The following CELSR3 variants were observed in gnomAD, a reference collection of about 807,000 sequenced individuals.
CELSR3 encodes the protein cadherin EGF LAG seven-pass G-type receptor 3.
CELSR3 carries 73 observed loss-of-function variants against 270.0 expected under a neutral mutation model. The observed-to-expected ratio is 0.27, with a 90% CI of 0.22 to 0.33. The LOEUF (loss-of-function observed/expected upper bound fraction) is 0.33, where lower values mean the gene tolerates loss of function less well. Ranked by LOEUF, CELSR3 falls within the 10% of genes least tolerant of loss-of-function variation. The pLI is 1.00. For synonymous variants in CELSR3, 1,780 were observed against 1,905.4 expected (o/e 0.93, Z 1.71); for missense variants, 3,614 against 4,533.8 (o/e 0.80, Z 5.83).
chr3:48,652,157 T>C lies in CELSR3; in HGVS notation c.5752-109A>G. ...TGATCCTTGACATGCAGTCTTCTGATACCCTCAAAAAACCCAGGCCTCAAA... is the reference window on the plus strand; with the variant it reads ...TGATCCTTGACATGCAGTCTTCTGACACCCTCAAAAAACCCAGGCCTCAAA... On this transcript the variant is annotated intron_variant, in intron 11 of 34. Coordinates refer to ENST00000164024, the MANE Select transcript of CELSR3 (RefSeq NM_001407.3). The surrounding 1 kb of genome is among the most constrained non-coding windows in gnomAD (Gnocchi z 4.3). 8.6e-7 allele frequency: 1 copy of C among 1,159,844 alleles called. No individual in the cohort carries two copies. The highest frequency in any genetic ancestry group is 1.6e-5 in the South Asian group (1 of 60,988). The allele number at this position is 1,159,844 out of a possible 1,614,324, so 71.8% of individuals were successfully genotyped here. A position where few individuals can be genotyped will look rare whatever the true frequency, so the allele number is the denominator to read the frequency against.
rs779341070 is a variant in CELSR3 at position 48,659,500 on chromosome 3, G to A, written c.3135C>T (p.Pro1045=). The change falls in exon 1 of 35, where the codon CCC becomes CCT. Residue 1045 remains proline, a synonymous_variant. Transcript: ENST00000164024. This position sits in a 1 kb window ranked among gnomAD's most constrained non-coding sequence, Gnocchi z 8.1. The part of the protein sequence containing the change: ...LTAYAVDRGV[P]PLRTPVSIQV... ...GGATACTGACTGGAGTCCGGAGTGGGGGCACACCTCTGTCCACTGCGTAGG... is the reference window on the plus strand; with the variant it reads ...GGATACTGACTGGAGTCCGGAGTGGAGGCACACCTCTGTCCACTGCGTAGG... The A allele has an allele frequency of 5.0e-6, 8 of 1,614,042 alleles. No individual in the cohort carries two copies. The highest frequency in any genetic ancestry group is 1.3e-5 in the African/African-American group (1 of 74,910).
rs377085295 is a variant in CELSR3, at chr3:48,640,439, C to T, written c.9146G>A (p.Arg3049His). The part of the protein sequence containing the change: ...HRAVPAASYG[R>H]IYAGGGTGSL... ...GCCCGTGCCCCCGCCAGCATAGATG[C>T]GACCGTAAGAGGCAGCTGGCACAGC... Residue 3049 changes from arginine to histidine, a missense_variant, in exon 34 of 35, where the codon CGC (arginine) becomes CAC (histidine). Coordinates refer to ENST00000164024, the MANE Select transcript of CELSR3 (RefSeq NM_001407.3). The surrounding 1 kb of genome is among the most constrained non-coding windows in gnomAD (Gnocchi z 7.5). The T allele has an allele frequency of 3.3e-5, 54 of 1,612,540 alleles. No homozygotes were observed. Among genetic ancestry groups the T allele is most frequent in the Non-Finnish European group, 4.2e-5 (49 of 1,179,966 alleles).
chr3:48,656,099 G>A, intron 3 of CELSR3, 41 bp downstream of exon 3: 1 of 1,516,728 alleles, frequency 6.6e-7, no homozygotes, highest in Non-Finnish European at 8.8e-7. Flanking sequence ...CGGGTAGGTG[G>A]GGGCGGCGGG....
Position 48,661,621 on chromosome 3 carries a change from C to T in CELSR3, c.1014G>A (p.Glu338=). The change falls in exon 1 of 35, where the codon GAG becomes GAA. Residue 338 remains glutamate, a synonymous_variant. Coordinates refer to ENST00000164024, the MANE Select transcript of CELSR3 (RefSeq NM_001407.3). The part of the protein sequence containing the change: ...YNYQTLVPEN[E]AAGTAVLRVV... ...CGCGTAGCACCGCGGTGCCTGCTGCCTCATTCTCCGGCACCAGCGTCTGGT... is the reference window on the plus strand; with the variant it reads ...CGCGTAGCACCGCGGTGCCTGCTGCTTCATTCTCCGGCACCAGCGTCTGGT... 6.2e-7 allele frequency: 1 copy of T among 1,606,240 alleles called. No individual in the cohort carries two copies. Among genetic ancestry groups the T allele is most frequent in the Non-Finnish European group, 8.5e-7 (1 of 1,176,572 alleles).
At chr3:48,647,777 A>G in intron 20 of CELSR3, 64 bp downstream of exon 20, 1 of 1,541,052 alleles carries the variant, frequency 6.5e-7, no homozygotes, top group Non-Finnish European at 8.8e-7. Flanking sequence ...GGAGGGCAAC[A>G]TAGTATCTGG....
At position 48,645,399 on chromosome 3, in the gene CELSR3, A is replaced by G. The variant is rs1412278761; in HGVS notation, c.7797+44T>C. 1.9e-6 allele frequency: 3 copies of G among 1,609,008 alleles called. No individual in the cohort carries two copies. The highest frequency in any genetic ancestry group is 2.5e-6 in the Non-Finnish European group (3 of 1,176,690). On this transcript the variant is annotated intron_variant, in intron 24 of 34. Coordinates refer to ENST00000164024, the MANE Select transcript of CELSR3 (RefSeq NM_001407.3). The surrounding 1 kb of genome is among the most constrained non-coding windows in gnomAD (Gnocchi z 5.4). ...GTTTTGGCCCCAGGCCTCCTGGGCC[A>G]GTAGGGTCATCAGGACACAAGTTCC...
In CELSR3 at chr3:48,648,387, G is replaced by A. The variant is rs1284441957; in HGVS notation, c.6852C>T (p.Ala2284=). The change falls in exon 19 of 35, where the codon GCC becomes GCT. Residue 2284 remains alanine (A), a synonymous_variant. Coordinates refer to ENST00000164024, the MANE Select transcript of CELSR3 (RefSeq NM_001407.3). Reference sequence around the variant, plus strand: ...CCGCGCTGCCTGGGGAGCCCCCAGGGGCCCGCTGCCCCAGCGCCGCCCACA... The same window carrying A: ...CCGCGCTGCCTGGGGAGCCCCCAGGAGCCCGCTGCCCCAGCGCCGCCCACA... ...GDLWAALGQR[A]PGGSPGSAGL... 4 of 1,611,014 alleles carry A rather than the reference G, an allele frequency of 2.5e-6. No homozygotes were observed. The highest frequency in any genetic ancestry group is 3.4e-6 in the Non-Finnish European group (4 of 1,179,368).
In CELSR3 at chr3:48,641,490, T is replaced by C; in HGVS notation, c.8859A>G (p.Pro2953=). The C allele has an allele frequency of 6.2e-7, 1 of 1,612,472 alleles. No homozygotes were observed. Among genetic ancestry groups the C allele is most frequent in the Non-Finnish European group, 8.5e-7 (1 of 1,179,854 alleles). The change falls in exon 33 of 35, where the codon CCA becomes CCG. Residue 2953 remains proline, a synonymous_variant. Transcript: ENST00000164024. This position sits in a 1 kb window ranked among gnomAD's most constrained non-coding sequence, Gnocchi z 4.8. ...VDGNDLLSYW[P]ALGECEAAPC... is the part of the protein sequence containing the mutation. The stretch of plus-strand genomic sequence containing the variant: ...GGGCTGCCTCGCACTCCCCCAGGGC[T>C]GGCCAGTAGGACAGGAGGTCATTGC...
In CELSR3 at chr3:48,655,701, A is replaced by G. The variant is rs2047174348; in HGVS notation, c.4741+35T>C. On this transcript the variant is annotated intron_variant, in intron 4 of 34. Coordinates refer to ENST00000164024, the MANE Select transcript of CELSR3 (RefSeq NM_001407.3). The surrounding 1 kb of genome is among the most constrained non-coding windows in gnomAD (Gnocchi z 5.8). ...TTGGGCCCTGCGTCCTCCAGCACAC[A>G]CGCACCCTTTCGCCGTCACATCCGG... 1 of 1,569,878 alleles carries G rather than the reference A, an allele frequency of 6.4e-7. No individual in the cohort carries two copies. Among genetic ancestry groups the G allele is most frequent in the Admixed American group, 1.7e-5 (1 of 59,978 alleles).
In CELSR3 at chr3:48,652,881, G is replaced by A; in HGVS notation, c.5634+121C>T. On this transcript the variant is annotated intron_variant, in intron 10 of 34. Transcript: ENST00000164024. The surrounding 1 kb of genome is among the most constrained non-coding windows in gnomAD (Gnocchi z 4.3). ...AAGGATATATGGTGGGGAACTAGGG[G>A]TAGAACATCAGACTCAGTGCAGTGG... 1.2e-6 allele frequency: 1 copy of A among 866,366 alleles called. No individual in the cohort carries two copies. Among genetic ancestry groups the A allele is most frequent in the Non-Finnish European group, 1.9e-6 (1 of 537,736 alleles). 53.7% of individuals were successfully genotyped at this position (866,366 alleles called of 1,614,324 possible). A position where few individuals can be genotyped will look rare whatever the true frequency, so the allele number is the denominator to read the frequency against.
rs1238777996 is a variant in CELSR3 at position 48,644,185 on chromosome 3, G to A, written c.8165+31C>T. The A allele has an allele frequency of 5.2e-5, 82 of 1,591,178 alleles. No homozygotes were observed. The highest frequency in any genetic ancestry group is 6.7e-5 in the Non-Finnish European group (78 of 1,161,914). On this transcript the variant is annotated intron_variant, in intron 27 of 34. Coordinates refer to ENST00000164024, the MANE Select transcript of CELSR3 (RefSeq NM_001407.3). This position sits in a 1 kb window ranked among gnomAD's most constrained non-coding sequence, Gnocchi z 4.8. ...ACCCAGGAGGGACCTGCCATCCTGA[G>A]AAGCCCCCTTCCTCCAGCCAGCCAA...
Position 48,659,210 on chromosome 3 carries a change from A to G in CELSR3, c.3425T>C (p.Val1142Ala), listed in dbSNP as rs1171306225. The G allele has an allele frequency of 6.2e-7, 1 of 1,614,102 alleles. No homozygotes were observed. Among genetic ancestry groups the G allele is most frequent in the African/African-American group, 1.3e-5 (1 of 74,930 alleles). Residue 1142 changes from valine (V) to alanine (A), a missense_variant, in exon 1 of 35, where the codon GTG (valine) becomes GCG (alanine). Transcript: ENST00000164024. This position sits in a 1 kb window ranked among gnomAD's most constrained non-coding sequence, Gnocchi z 8.1. ...YEARQEYVIV[V>A]QATSAPLVSR... Reference sequence around the variant, plus strand: ...GACCAAAGGAGCAGATGTGGCCTGCACCACAATCACATATTCTTGGCGAGC... The same window carrying G: ...GACCAAAGGAGCAGATGTGGCCTGCGCCACAATCACATATTCTTGGCGAGC...
chr3:48,648,931 G>A lies in CELSR3; in HGVS notation c.6568-3C>T, dbSNP rs1472143832. On this transcript the variant is annotated splice_region_variant and splice_polypyrimidine_tract_variant and intron_variant, in intron 17 of 34. Coordinates refer to ENST00000164024, the MANE Select transcript of CELSR3 (RefSeq NM_001407.3). ...TTGTTCAGCTCTAGGCCATCCAGCT[G>A]CCAAGACAAGGAGATGGTTGCTCTG... 1.9e-6 allele frequency: 3 copies of A among 1,612,500 alleles called. No individual in the cohort carries two copies. The highest frequency in any genetic ancestry group is 2.5e-6 in the Non-Finnish European group (3 of 1,179,854).
At position 48,644,350 on chromosome 3, in the gene CELSR3, GAGA is replaced by G; in HGVS notation, c.8086-58_8086-56del. The stretch of plus-strand genomic sequence containing the variant: ...GGCAGGGCAGAGAGAGAGAGAGAGA[GAGA>G]GGCAATGAGAGACAGAGAGAGACTA... On this transcript the variant is annotated intron_variant, in intron 26 of 34. Coordinates refer to ENST00000164024, the MANE Select transcript of CELSR3 (RefSeq NM_001407.3). The surrounding 1 kb of genome is among the most constrained non-coding windows in gnomAD (Gnocchi z 4.8). 2 of 1,487,044 alleles carry G rather than the reference GAGA, an allele frequency of 1.3e-6. No homozygotes were observed. The highest frequency in any genetic ancestry group is 1.9e-6 in the Non-Finnish European group (2 of 1,067,184). The allele number at this position is 1,487,044 out of a possible 1,614,324, so 92.1% of individuals were successfully genotyped here. A position where few individuals can be genotyped will look rare whatever the true frequency, so the allele number is the denominator to read the frequency against.
chr3:48,642,086 A>G lies in CELSR3; in HGVS notation c.8666-77T>C. 5.0e-6 allele frequency: 7 copies of G among 1,403,452 alleles called. No individual in the cohort carries two copies. The highest frequency in any genetic ancestry group is 6.7e-6 in the Non-Finnish European group (7 of 1,045,250). The allele number at this position is 1,403,452 out of a possible 1,614,324, so 86.9% of individuals were successfully genotyped here. On this transcript the variant is annotated intron_variant, in intron 31 of 34. Transcript: ENST00000164024. This position sits in a 1 kb window ranked among gnomAD's most constrained non-coding sequence, Gnocchi z 6.1. ...AGGGAATTTGGAGTTGAGGGTCTAG[A>G]GGTGGGTACGGCAAGGGGGTTAGGG...
Position 48,641,949 on chromosome 3 carries a change from G to T in CELSR3, c.8726C>A (p.Pro2909Gln). 1 of 1,600,852 alleles carries T rather than the reference G, an allele frequency of 6.2e-7. No homozygotes were observed. The highest frequency in any genetic ancestry group is 1.3e-5 in the African/African-American group (1 of 74,414). The change falls in exon 32 of 35, where the codon CCA becomes CAA. Residue 2909 changes from proline (P) to glutamine (Q), a missense_variant. By Grantham distance (76) the Pro-to-Gln change is moderately conservative (BLOSUM62 -1). Coordinates refer to ENST00000164024, the MANE Select transcript of CELSR3 (RefSeq NM_001407.3). The surrounding 1 kb of genome is among the most constrained non-coding windows in gnomAD (Gnocchi z 4.8). ...GCCATTGTCCTCGCTTTCTGAAGAT[G>T]GAATGGAGAGACTCCTCTCCTCCTC... ...SLEEERSLSI[P>Q]SSESEDNGRT...
intron 2 of CELSR3, 98 bp downstream of exon 2, chr3:48,656,600 G>A (rs1231239317): frequency 1.8e-5 from 25 of 1,382,106 alleles, no homozygotes; most frequent in Non-Finnish European, 2.2e-5. Flanking sequence ...ATACCAGGCC[G>A]TGGCCTCAGA....
rs1239374644 is a variant in CELSR3, at chr3:48,654,027, G to C, written c.5153-24C>G. 1 of 1,609,504 alleles carries C rather than the reference G, an allele frequency of 6.2e-7. No individual in the cohort carries two copies. Among genetic ancestry groups the C allele is most frequent in the Admixed American group, 1.7e-5 (1 of 59,958 alleles). ...GCCTGGGAGAGGAAAGCACATGGCG[G>C]ACATGAGAACAAGGGTTGGGGGGCA... is the stretch of plus-strand genomic sequence containing the variant. On this transcript the variant is annotated intron_variant, in intron 7 of 34. Coordinates refer to ENST00000164024, the MANE Select transcript of CELSR3 (RefSeq NM_001407.3). This position sits in a 1 kb window ranked among gnomAD's most constrained non-coding sequence, Gnocchi z 5.4.
chr3:48,640,529 A>G lies in CELSR3; in HGVS notation c.9056T>C (p.Leu3019Pro), dbSNP rs2047016299. The G allele has an allele frequency of 1.3e-6, 2 of 1,597,498 alleles. No homozygotes were observed. Among genetic ancestry groups the G allele is most frequent in the Non-Finnish European group, 8.5e-7 (1 of 1,169,674 alleles). ...AGGGGCACCTCGGGTCTGTGGCACC[A>G]GTGGGTATTGCAACCGGTTCTTCAG... ...GILKNRLQYP[L>P]VPQTRGAPEL... The change falls in exon 34 of 35, where the codon CTG (leucine) becomes CCG (proline). Residue 3019 changes from leucine to proline, a missense_variant. Leu to Pro is a moderately conservative substitution (Grantham distance 98, BLOSUM62 -3). Around this residue, in one of 7 missense-constraint regions of CELSR3, gnomAD observed 1,240 missense variants for 1,351.7 expected, o/e 0.92. Coordinates refer to ENST00000164024, the MANE Select transcript of CELSR3 (RefSeq NM_001407.3). This position sits in a 1 kb window ranked among gnomAD's most constrained non-coding sequence, Gnocchi z 7.5.
Sources: gnomAD v4.1 joint callset for allele counts on GRCh38, gnomAD v4.1.1 for gene constraint, gnomAD v4.1.1 regional missense constraint, Gnocchi (gnomAD v3.1) non-coding constraint, MANE v1.5 for transcripts, NCBI Gene and HGNC (gene_info 2026-07-23, HGNC 2026-07-21) for gene names.